The following USH2A variants were observed in gnomAD, a reference collection of about 807,000 sequenced individuals.
USH2A encodes usherin, also known as Usher syndrome 2A (autosomal recessive, mild).
In USH2A, 443 loss-of-function variants were observed where a neutral mutation model predicts 538.9. The observed-to-expected ratio is 0.82, with a 90% CI of 0.76 to 0.89. The LOEUF is 0.89. Among genes scored for constraint, USH2A ranks in the 40% least tolerant of loss-of-function variants. USH2A has a pLI of 0.00. For synonymous variants in USH2A, 2,413 were observed against 2,273.5 expected (o/e 1.06, Z -1.75); for missense variants, 6,633 against 6,324.8 (o/e 1.05, Z -1.65).
chr1:215,837,493 T>A (rs531303844), intron 47 of USH2A, among the ~76,000 whole-genome samples: 1 of 152,168 alleles, frequency 6.6e-6, no homozygotes, highest in African/African-American at 2.4e-5. Flanking sequence ...CTATGGTCAT[T>A]TCTCAGCAAC....
At position 215,869,310 on chromosome 1, in the gene USH2A, GATA is replaced by G. The variant is rs746138368; in HGVS notation, c.8682-2143_8682-2141del. On this transcript the variant is annotated intron_variant, in intron 43 of 71. Transcript: ENST00000307340. ...GCTATACTGCCAACATAATAGTGAT[GATA>G]ATAATAATAGTAATAATAACAATCA... Among the ~76,000 whole-genome samples the G allele has an allele frequency of 1.8e-4, 28 of 152,100 alleles. No individual in the cohort carries two copies. In the East Asian group the frequency reaches 2.7e-3, roughly 15 times the overall value.
chr1:216,397,407 T>C (rs973048861), intron 3 of USH2A, among the ~76,000 whole-genome samples: 7 of 152,324 alleles, frequency 4.6e-5, no homozygotes, highest in African/African-American at 1.7e-4. Flanking sequence ...CACTGTTTCT[T>C]GATGTATCTA....
intron 32 of USH2A, among the ~76,000 whole-genome samples, chr1:216,042,997 C>A (rs979946893): frequency 9.9e-5 from 15 of 152,252 alleles, no homozygotes; most frequent in Non-Finnish European, 2.1e-4. Flanking sequence ...CTCGGACTTT[C>A]AGCCTCCAGA....
At chr1:215,737,166 A>G (rs889978484) in intron 60 of USH2A, among the ~76,000 whole-genome samples, 49 of 151,964 alleles carry the variant, frequency 3.2e-4, no homozygotes, top group African/African-American at 1.2e-3. Flanking sequence ...GTGGGCATAT[A>G]TATAAAATGC....
intron 9 of USH2A, among the ~76,000 whole-genome samples, chr1:216,303,774 C>T (rs1324136218): frequency 6.6e-6 from 1 of 151,794 alleles, no homozygotes; most frequent in Non-Finnish European, 1.5e-5. Flanking sequence ...AATGAAGGTC[C>T]TTCAATATTT....
At chr1:215,952,055 G>A (rs1666933411) in intron 37 of USH2A, among the ~76,000 whole-genome samples, 2 of 150,826 alleles carry the variant, frequency 1.3e-5, no homozygotes, top group Admixed American at 6.6e-5. Flanking sequence ...TAGTAGAGAC[G>A]GGGTTTCACC....
intron 58 of USH2A, among the ~76,000 whole-genome samples, chr1:215,750,094 AAG>A (rs1250319751): frequency 6.6e-6 from 1 of 152,154 alleles, no homozygotes; most frequent in Non-Finnish European, 1.5e-5. Flanking sequence ...GAAAAATTCT[AAG>A]AGGAAAAACT....
At chr1:216,179,336 A>C (rs890222170) in intron 20 of USH2A, among the ~76,000 whole-genome samples, 6 of 152,122 alleles carry the variant, frequency 3.9e-5, no homozygotes, top group Non-Finnish European at 8.8e-5. Flanking sequence ...GATTCTAATC[A>C]ATAGGGAAAT....
intron 50 of USH2A, among the ~76,000 whole-genome samples, chr1:215,791,637 G>A (rs1661985048): frequency 6.6e-6 from 1 of 152,104 alleles, no homozygotes; most frequent in Non-Finnish European, 1.5e-5. Context: ...ATAACTCTTC[G>A]AAGTAATTGG....
intron 4 of USH2A, among the ~76,000 whole-genome samples, chr1:216,342,097 C>T (rs943398774): frequency 2.0e-5 from 3 of 151,946 alleles, no homozygotes; most frequent in Non-Finnish European, 4.4e-5. Context: ...AACCCATCCA[C>T]CTGACAAAGG....
intron 21 of USH2A, among the ~76,000 whole-genome samples, chr1:216,143,572 C>T (rs778084540): frequency 4.6e-5 from 7 of 152,152 alleles, no homozygotes; most frequent in Admixed American, 2.6e-4. Flanking sequence ...CTGACTCCTA[C>T]GGAGTTTTTT....
At chr1:215,745,660 A>G (rs1032011406) in intron 58 of USH2A, among the ~76,000 whole-genome samples, 6 of 152,346 alleles carry the variant, frequency 3.9e-5, no homozygotes, top group Admixed American at 3.9e-4. Flanking sequence ...ACTAAAACTC[A>G]GAGAAGTTAA....
At position 215,870,458 on chromosome 1, in the gene USH2A, C is replaced by CTTTT. The variant is rs10689595; in HGVS notation, c.8682-3292_8682-3289dup. On this transcript the variant is annotated intron_variant, in intron 43 of 71. Transcript: ENST00000307340. ...TACAGGTGTCAGCCACCACTCCTAG[C>CTTTT]TTTTTTTTTTTTTTTTTTAGTAGAG... is the stretch of plus-strand genomic sequence containing the variant. Among the ~76,000 whole-genome samples, 496 of 123,098 alleles carry CTTTT rather than the reference C, an allele frequency of 4.0e-3. 5 individuals are homozygous for CTTTT. The highest frequency in any genetic ancestry group is 0.028 in the South Asian group (103 of 3,618). 80.8% of individuals were successfully genotyped at this position (123,098 alleles called of 152,430 possible). A position where few individuals can be genotyped will look rare whatever the true frequency, so the allele number is the denominator to read the frequency against.
intron 3 of USH2A, among the ~76,000 whole-genome samples, chr1:216,403,758 C>T (rs1042307563): frequency 3.3e-5 from 5 of 152,148 alleles, no homozygotes; most frequent in African/African-American, 1.2e-4. Context: ...TGTCTCCACC[C>T]AAATATCATC....
chr1:215,914,956 G>A (rs1665914925), intron 38 of USH2A, among the ~76,000 whole-genome samples: 3 of 152,108 alleles, frequency 2.0e-5, no homozygotes, highest in Admixed American at 2.0e-4. Context: ...CTTGAACAAT[G>A]CTAACATCTT....
At chr1:215,681,980 A>T (rs977326533) in intron 61 of USH2A, among the ~76,000 whole-genome samples, 1 of 152,190 alleles carries the variant, frequency 6.6e-6, no homozygotes, top group East Asian at 1.9e-4. Flanking sequence ...TTAGATCATA[A>T]ATATTTAAAA....
chr1:215,663,687 T>A (rs1414085927), intron 64 of USH2A, among the ~76,000 whole-genome samples: 7 of 152,078 alleles, frequency 4.6e-5, no homozygotes, highest in Non-Finnish European at 1.5e-5. Context: ...TCAGTCAGAG[T>A]CCTGTATTGG....
chr1:216,006,119 C>G (rs533873914), intron 32 of USH2A, among the ~76,000 whole-genome samples: 1 of 152,292 alleles, frequency 6.6e-6, no homozygotes, highest in South Asian at 2.1e-4. Flanking sequence ...ATCTCTGAAT[C>G]TGGCTTTACT....
At chr1:216,185,060 G>A (rs2034960) in intron 20 of USH2A, among the ~76,000 whole-genome samples, 85,496 of 151,628 alleles carry the variant, frequency 0.56, 25,479 homozygotes, top group East Asian at 0.76. Flanking sequence ...CAAATTTCTC[G>A]GATTAAAAGG....
Sources: allele counts gnomAD v4.1 joint callset (sites outside exome capture counted in the v4.1 genomes callset), GRCh38; gene constraint gnomAD v4.1.1; transcripts MANE v1.5; gene names NCBI Gene and HGNC (gene_info 2026-07-23, HGNC 2026-07-21).